Variants in SMU1 observed in about 807,000 individuals in gnomAD.
SMU1 encodes the protein WD40 repeat-containing protein SMU1.
A neutral mutation model predicts 62.0 loss-of-function variants in SMU1; 2 were observed. The observed-to-expected ratio is 0.03, with a 90% CI of 0.01 to 0.10. SMU1 has a LOEUF of 0.10. Ranked by LOEUF, SMU1 falls within the 10% of genes least tolerant of loss-of-function variation. SMU1 has a pLI of 1.00. For missense variants in SMU1, 227 were observed against 622.1 expected, an observed-to-expected ratio of 0.36 and a Z score of 6.76; for synonymous variants, 188 against 212.4, an observed-to-expected ratio of 0.89 and a Z score of 1.00.
chr9:33,054,236 G>A (rs572557167), intron 9 of SMU1, among the ~76,000 whole-genome samples: 8 of 149,834 alleles, frequency 5.3e-5, no homozygotes, highest in African/African-American at 1.2e-4. Context: ...CTCTGCTGGC[G>A]TTAAACTCCT....
chr9:33,051,653 C>A (rs192257032), intron 10 of SMU1, among the ~76,000 whole-genome samples: 103 of 152,238 alleles, frequency 6.8e-4, no homozygotes, highest in Middle Eastern at 3.4e-3. Flanking sequence ...TTTTAAAAAA[C>A]AACAAATTAT....
At position 33,076,176 on chromosome 9, in the gene SMU1, T is replaced by C. The variant is rs146137065; in HGVS notation, c.26+407A>G. ...TAGGCAGAGAAAAGCAAAGGGGCCG[T>C]ATAAGCAGAGACAACGAATCACATT... On this transcript the variant is annotated intron_variant, in intron 1 of 11. Coordinates refer to ENST00000397149, the MANE Select transcript of SMU1 (RefSeq NM_018225.3). Among the ~76,000 whole-genome samples, 282 of 152,306 alleles carry C rather than the reference T, an allele frequency of 1.9e-3. 2 individuals carry two copies. The highest frequency in any genetic ancestry group is 6.2e-3 in the African/African-American group (258 of 41,570).
At chr9:33,062,234 T>C (rs543696434) in intron 4 of SMU1, 57 bp from the exon 5 acceptor site, 2 of 1,554,220 alleles carry the variant, frequency 1.3e-6, no homozygotes, top group African/African-American at 2.7e-5. Context: ...GATCTGGTCA[T>C]AAGTGCTCAG....
At chr9:33,047,796 T>C (rs1263489329) in intron 11 of SMU1, among the ~76,000 whole-genome samples, 1 of 150,220 alleles carries the variant, frequency 6.7e-6, no homozygotes, top group Non-Finnish European at 1.5e-5. Flanking sequence ...GAGGCAGAGG[T>C]TGTAGTGAGC....
intron 1 of SMU1, among the ~76,000 whole-genome samples, chr9:33,075,117 C>A (rs890602756): frequency 1.3e-5 from 2 of 152,174 alleles, no homozygotes; most frequent in Non-Finnish European, 2.9e-5. Flanking sequence ...TGGCTCACGC[C>A]TGTAATCTCA....
chr9:33,056,080 C>A, intron 9 of SMU1, 33 bp downstream of exon 9: 1 of 1,580,436 alleles, frequency 6.3e-7, no homozygotes, highest in African/African-American at 1.3e-5. Context: ...ATGGGGTAGA[C>A]ATCCCAAAAT....
chr9:33,074,772 C>CTTTTTTT lies in SMU1; in HGVS notation c.27-973_27-967dup, dbSNP rs757049046. ...TTCCTGAGGAGAAAGCAAACATCCTCTTTTTTTTTTTTTTTTTTGAGAAAT... is the reference window on the plus strand; with the variant it reads ...TTCCTGAGGAGAAAGCAAACATCCTCTTTTTTTTTTTTTTTTTTTTTTTTTGAGAAAT... On this transcript the variant is annotated intron_variant, in intron 1 of 11. Transcript: ENST00000397149. 3.0e-5 allele frequency among the ~76,000 whole-genome samples: 4 copies of CTTTTTTT among 133,958 alleles called. 1 individual carries two copies. Among genetic ancestry groups the CTTTTTTT allele is most frequent in the Non-Finnish European group, 4.8e-5 (3 of 62,474 alleles). The allele number at this position is 133,958 out of a possible 152,430, so 87.9% of individuals were successfully genotyped here. A position where few individuals can be genotyped will look rare whatever the true frequency, so the allele number is the denominator to read the frequency against.
chr9:33,053,487 G>T (rs1050697037), intron 9 of SMU1, among the ~76,000 whole-genome samples, 197 bp from the exon 10 acceptor site: 1 of 152,170 alleles, frequency 6.6e-6, no homozygotes, highest in Non-Finnish European at 1.5e-5. Flanking sequence ...TGAGGAATTG[G>T]TTCCAGGATC....
intron 10 of SMU1, among the ~76,000 whole-genome samples, chr9:33,052,370 G>T (rs1047052645): frequency 6.6e-6 from 1 of 152,200 alleles, no homozygotes; most frequent in Admixed American, 6.5e-5. Flanking sequence ...GCACAGAACT[G>T]TGAAGTGTGC....
At chr9:33,051,462 C>T (rs1211161113) in intron 10 of SMU1, among the ~76,000 whole-genome samples, 1 of 152,070 alleles carries the variant, frequency 6.6e-6, no homozygotes, top group African/African-American at 2.4e-5. Context: ...AAACTATGGC[C>T]TTTGTGTGTT....
At chr9:33,066,719 T>C (rs993168414) in intron 4 of SMU1, among the ~76,000 whole-genome samples, 9 of 151,826 alleles carry the variant, frequency 5.9e-5, no homozygotes, top group African/African-American at 2.2e-4. Context: ...GGCAGGAGAA[T>C]TGCTCGAACC....
intron 5 of SMU1, 59 bp from the exon 6 acceptor site, chr9:33,060,643 C>A: frequency 1.3e-6 from 2 of 1,593,966 alleles, no homozygotes; most frequent in South Asian, 2.3e-5. Flanking sequence ...TAAAACAATT[C>A]CTTTTTTAAC....
intron 10 of SMU1, among the ~76,000 whole-genome samples, chr9:33,049,788 A>AC (rs1564019330): frequency 1.3e-5 from 2 of 151,062 alleles, no homozygotes; most frequent in African/African-American, 2.4e-5. Context: ...ACACACACAC[A>AC]AAAGTCGGGC....
intron 1 of SMU1, among the ~76,000 whole-genome samples, chr9:33,074,772 C>CTTTT (rs757049046): frequency 0.062 from 8,269 of 133,800 alleles, 361 homozygotes; most frequent in Non-Finnish European, 0.097. Context: ...CAAACATCCT[C>CTTTT]TTTTTTTTTT....
chr9:33,051,535 G>C (rs1213871491), intron 10 of SMU1, among the ~76,000 whole-genome samples: 1 of 152,172 alleles, frequency 6.6e-6, no homozygotes, highest in Non-Finnish European at 1.5e-5. Flanking sequence ...ACGAGATACT[G>C]ATAGTGTGGA....
At chr9:33,071,663 T>TA (rs111931372) in intron 3 of SMU1, 77 bp downstream of exon 3, 31,691 of 1,153,468 alleles carry the variant, frequency 0.027, 11 homozygotes, top group South Asian at 0.033. Context: ...AATAAAATGG[T>TA]AAAAAAAAAA....
chr9:33,053,056 G>A, intron 10 of SMU1, 67 bp downstream of exon 10: 1 of 1,482,716 alleles, frequency 6.7e-7, no homozygotes, highest in Non-Finnish European at 9.3e-7. Context: ...GGGTGGGCCT[G>A]GACCAGGAAG....
intron 4 of SMU1, among the ~76,000 whole-genome samples, chr9:33,067,946 T>C (rs192024417): frequency 6.6e-6 from 1 of 152,330 alleles, no homozygotes; most frequent in Admixed American, 6.5e-5. Context: ...AATATATCTA[T>C]TACTCTAAGT....
intron 3 of SMU1, among the ~76,000 whole-genome samples, chr9:33,071,171 TTCC>T (rs764801919): frequency 6.6e-6 from 1 of 152,062 alleles, no homozygotes; most frequent in East Asian, 1.9e-4. Context: ...TTAATCCTTT[TTCC>T]TCCTATTTTG....
Sources: gnomAD v4.1 joint callset for allele counts (sites outside exome capture counted in the v4.1 genomes callset) on GRCh38, gnomAD v4.1.1 for gene constraint, MANE v1.5 for transcripts, NCBI Gene and HGNC (gene_info 2026-07-23, HGNC 2026-07-21) for gene names.